TTYH3: variants seen among roughly 807,000 people sequenced by gnomAD.
The protein encoded by TTYH3 is tweety family member 3, also known as protein tweety homolog 3.
In TTYH3, 23 loss-of-function variants were observed where a neutral mutation model predicts 68.2. The observed-to-expected ratio is 0.34, with a 90% CI of 0.24 to 0.48. The LOEUF (loss-of-function observed/expected upper bound fraction) is 0.48, where lower values mean the gene tolerates loss of function less well. TTYH3 is among the 20% of genes least tolerant of loss of function. The pLI, the probability that TTYH3 is intolerant of heterozygous loss-of-function variation, is 0.99. For missense variants in TTYH3, 768 were observed against 727.7 expected, an observed-to-expected ratio of 1.06 and a Z score of -0.64; for synonymous variants, 360 against 332.8, an observed-to-expected ratio of 1.08 and a Z score of -0.89.
chr7:2,652,801 C>T, intron 8 of TTYH3, 117 bp from the exon 9 acceptor site: 2 of 797,806 alleles, frequency 2.5e-6, no homozygotes, highest in Non-Finnish European at 2.1e-6. Flanking sequence ...CAGAGCAGAG[C>T]CTTGATGGTC....
intron 4 of TTYH3, 117 bp downstream of exon 4, chr7:2,647,755 G>A: frequency 8.3e-7 from 1 of 1,199,500 alleles, no homozygotes. Context: ...GTGGCCCAGG[G>A]CCACTGGAGG....
At chr7:2,647,765 G>A in intron 4 of TTYH3, 127 bp downstream of exon 4, 1 of 1,140,070 alleles carries the variant, frequency 8.8e-7, no homozygotes, top group Non-Finnish European at 1.2e-6. Context: ...GCCACTGGAG[G>A]TCACAGGCAG....
intron 1 of TTYH3, among the ~76,000 whole-genome samples, chr7:2,640,394 G>C (rs1785805657): frequency 7.8e-6 from 1 of 128,308 alleles, no homozygotes; most frequent in African/African-American, 2.6e-5. Flanking sequence ...GCAGCCGCCT[G>C]TGTGTGTGTG....
chr7:2,641,837 G>A (rs532528456), intron 1 of TTYH3, among the ~76,000 whole-genome samples: 3 of 152,346 alleles, frequency 2.0e-5, no homozygotes, highest in Non-Finnish European at 4.4e-5. Flanking sequence ...GGCCTGGCGC[G>A]TTGGGTGCCG....
intron 4 of TTYH3, 120 bp from the exon 5 acceptor site, chr7:2,647,839 G>A (rs779345441): frequency 7.3e-6 from 9 of 1,224,956 alleles, no homozygotes; most frequent in Admixed American, 3.9e-5. Context: ...TGACCCAGAC[G>A]CTCTGAATGC....
intron 1 of TTYH3, among the ~76,000 whole-genome samples, chr7:2,646,039 T>C (rs1260282514): frequency 1.3e-5 from 2 of 150,794 alleles, no homozygotes; most frequent in African/African-American, 2.4e-5. Context: ...TTTTAGACAG[T>C]GTCTCGCTCT....
chr7:2,653,946 C>T (rs143628464), intron 9 of TTYH3, among the ~76,000 whole-genome samples: 1,956 of 152,278 alleles, frequency 0.013, 45 homozygotes, highest in African/African-American at 0.045. Flanking sequence ...TTGGTCCACC[C>T]GTGGGGATCC....
chr7:2,642,748 C>CT (rs915544871), intron 1 of TTYH3, among the ~76,000 whole-genome samples: 1,654 of 128,148 alleles, frequency 0.013, 25 homozygotes, highest in African/African-American at 0.031. Context: ...TTTTTCTTTT[C>CT]TTTTTTTTTT....
At chr7:2,653,265 A>G (rs577749178) in intron 9 of TTYH3, among the ~76,000 whole-genome samples, 74 of 152,232 alleles carry the variant, frequency 4.9e-4, no homozygotes, top group Non-Finnish European at 8.7e-4. Context: ...GTAGGTTTTA[A>G]AAATCATTTC....
Position 2,656,089 on chromosome 7 carries a change from C to T in TTYH3, c.1021-3C>T. 2 of 1,544,522 alleles carry T rather than the reference C, an allele frequency of 1.3e-6. No homozygotes were observed. The highest frequency in any genetic ancestry group is 1.8e-6 in the Non-Finnish European group (2 of 1,140,634). ...CTGACCATCTGCGGTGCGTGCCCCC[C>T]AGGACCCCCTCCTCCGCGTCCAGGA... On this transcript the variant is annotated splice_polypyrimidine_tract_variant and splice_region_variant and intron_variant, in intron 9 of 13. Transcript: ENST00000258796.
In TTYH3 at chr7:2,646,031, T is replaced by C. The variant is rs1785971327; in HGVS notation, c.124-822T>C. The C allele has an allele frequency of 5.4e-5, 18 of 333,772 alleles. 1 individual carries two copies. The highest frequency in any genetic ancestry group is 4.1e-4 in the South Asian group (18 of 43,812). 20.7% of individuals were successfully genotyped at this position (333,772 alleles called of 1,614,324 possible). ...GGGAGCAGCAGCACTTTTTTTTTTT[T>C]TAGACAGTGTCTCGCTCTTGTCGCC... is the stretch of plus-strand genomic sequence containing the variant. On this transcript the variant is annotated intron_variant, in intron 1 of 13. Coordinates refer to ENST00000258796, the MANE Select transcript of TTYH3 (RefSeq NM_025250.3).
At chr7:2,643,287 G>A (rs1454422958) in intron 1 of TTYH3, among the ~76,000 whole-genome samples, 2 of 150,930 alleles carry the variant, frequency 1.3e-5, no homozygotes, top group African/African-American at 4.9e-5. Context: ...CCCGGGAGGC[G>A]GAGCTTGCAG....
chr7:2,640,531 G>A (rs890565728), intron 1 of TTYH3, among the ~76,000 whole-genome samples: 4 of 152,220 alleles, frequency 2.6e-5, no homozygotes, highest in Admixed American at 2.0e-4. Context: ...AGGATGCCCA[G>A]CAGCAGCCAC....
At chr7:2,635,484 G>A (rs1045803184) in intron 1 of TTYH3, among the ~76,000 whole-genome samples, 3 of 152,178 alleles carry the variant, frequency 2.0e-5, no homozygotes, top group Non-Finnish European at 4.4e-5. Context: ...TCTCTCTCGG[G>A]CTGTCTCCTC....
At chr7:2,633,673 T>A (rs1785585244) in intron 1 of TTYH3, among the ~76,000 whole-genome samples, 1 of 152,266 alleles carries the variant, frequency 6.6e-6, no homozygotes, top group African/African-American at 2.4e-5. Flanking sequence ...CCTGGAGGAC[T>A]CTGTTGAAGC....
At chr7:2,644,725 C>T (rs767675285) in intron 1 of TTYH3, among the ~76,000 whole-genome samples, 7 of 152,184 alleles carry the variant, frequency 4.6e-5, no homozygotes, top group African/African-American at 1.4e-4. Flanking sequence ...GTGGACACAC[C>T]GGTGTGGCTT....
At chr7:2,657,536 G>A (rs916969428) in intron 11 of TTYH3, among the ~76,000 whole-genome samples, 1 of 152,136 alleles carries the variant, frequency 6.6e-6, no homozygotes, top group Non-Finnish European at 1.5e-5. Context: ...AGACATAGGG[G>A]AGTAGATAAG....
intron 1 of TTYH3, among the ~76,000 whole-genome samples, chr7:2,639,682 C>A (rs112617976): frequency 6.6e-6 from 1 of 152,248 alleles, no homozygotes; most frequent in African/African-American, 2.4e-5. Flanking sequence ...TCTGTCCCCA[C>A]TGCAGTCAGG....
In TTYH3 at chr7:2,649,598, A is replaced by C; in HGVS notation, c.754A>C (p.Ile252Leu). The C allele has an allele frequency of 1.3e-6, 2 of 1,597,780 alleles. No homozygotes were observed. Among genetic ancestry groups the C allele is most frequent in the Non-Finnish European group, 8.5e-7 (1 of 1,177,092 alleles). Residue 252 changes from isoleucine to leucine, a missense_variant, in exon 6 of 14, where the codon ATC (isoleucine) becomes CTC (leucine). Ile to Leu is a conservative substitution (Grantham distance 5). Coordinates refer to ENST00000258796, the MANE Select transcript of TTYH3 (RefSeq NM_025250.3). ...VCLLGVLALV[I>L]SWGALGLELA... ...CCTGCTGGGAGTCCTGGCCCTGGTCATCAGCTGGGGCGCGCTGGGCTTGGA... is the reference window on the plus strand; with the variant it reads ...CCTGCTGGGAGTCCTGGCCCTGGTCCTCAGCTGGGGCGCGCTGGGCTTGGA...
Sources: gnomAD v4.1 joint callset for allele counts (sites outside exome capture counted in the v4.1 genomes callset) on GRCh38, gnomAD v4.1.1 for gene constraint, MANE v1.5 for transcripts, NCBI Gene and HGNC (gene_info 2026-07-23, HGNC 2026-07-21) for gene names.